The following MICU3 variants were observed in gnomAD, a reference collection of about 807,000 sequenced individuals.
The protein encoded by MICU3 is mitochondrial calcium uptake 3.
Under a neutral mutation model 66.5 loss-of-function variants are expected in MICU3, and 62 were observed. That is an observed-to-expected ratio of 0.93 (90% CI 0.76 to 1.15). The LOEUF (loss-of-function observed/expected upper bound fraction) is 1.15, where lower values mean the gene tolerates loss of function less well. Ranked by LOEUF, MICU3 falls within the 50% of genes most tolerant of loss-of-function variation. The pLI, the probability that MICU3 is intolerant of heterozygous loss-of-function variation, is 0.00. For missense variants in MICU3, 779 were observed against 664.4 expected, an observed-to-expected ratio of 1.17 and a Z score of -1.90; for synonymous variants, 308 against 240.7, an observed-to-expected ratio of 1.28 and a Z score of -2.59.
At chr8:17,080,133 G>A (rs933324438) in intron 4 of MICU3, among the ~76,000 whole-genome samples, 1 of 151,802 alleles carries the variant, frequency 6.6e-6, no homozygotes, top group African/African-American at 2.4e-5. Flanking sequence ...TGAAGAGTTA[G>A]TTTTATAGTA....
chr8:17,118,830 TA>T, intron 14 of MICU3, 55 bp downstream of exon 14: 1 of 1,030,894 alleles, frequency 9.7e-7, no homozygotes, highest in African/African-American at 1.6e-5. Context: ...GATCATAATT[TA>T]TTTTTCTGTT....
At position 17,035,999 on chromosome 8, in the gene MICU3, C is replaced by T. The variant is rs117869108; in HGVS notation, c.381+8339C>T. 2.3e-3 allele frequency among the ~76,000 whole-genome samples: 354 copies of T among 152,234 alleles called. 2 individuals are homozygous for T. Among genetic ancestry groups the T allele is most frequent in the African/African-American group, 7.5e-3 (313 of 41,542 alleles). On this transcript the variant is annotated intron_variant, in intron 1 of 14. Coordinates refer to ENST00000318063, the MANE Select transcript of MICU3 (RefSeq NM_181723.3). ...GGGCCGGGACTAGTACCTTTGTGTC[C>T]GGAATTGATGGGTTCTTGGTCTCAC...
At chr8:17,101,270 T>C (rs1024289225) in intron 9 of MICU3, among the ~76,000 whole-genome samples, 2 of 151,814 alleles carry the variant, frequency 1.3e-5, no homozygotes, top group Admixed American at 6.6e-5. Context: ...CATTTTATTT[T>C]AACAATGAGC....
chr8:17,042,659 T>C (rs1814351670), intron 1 of MICU3, among the ~76,000 whole-genome samples: 1 of 152,202 alleles, frequency 6.6e-6, no homozygotes. Context: ...AGAGTTATTT[T>C]TCTAAATTAG....
At chr8:17,049,562 A>G in intron 1 of MICU3, 1 of 516,498 alleles carries the variant, frequency 1.9e-6, no homozygotes, top group Non-Finnish European at 3.9e-6. Flanking sequence ...CAGAAAGTTA[A>G]GTTATTTTTC....
intron 1 of MICU3, among the ~76,000 whole-genome samples, chr8:17,063,185 A>G (rs1180435331): frequency 3.9e-5 from 6 of 152,144 alleles, no homozygotes; most frequent in Non-Finnish European, 7.4e-5. Context: ...AGCAAAAACA[A>G]TTCTATCTAT....
chr8:17,136,659 G>C, the MICU3 span, among the ~76,000 whole-genome samples: 14 of 151,884 alleles, frequency 9.2e-5, no homozygotes, highest in Admixed American at 6.6e-4. Flanking sequence ...AGCTACTGCT[G>C]CCAGTCTTCA....
Position 17,098,454 on chromosome 8 carries a change from A to C in MICU3, c.889-4A>C. On this transcript the variant is annotated splice_polypyrimidine_tract_variant and splice_region_variant and intron_variant, in intron 8 of 14. Transcript: ENST00000318063. ...TTCAGTTGTGCTTCTTAAAACTTCT[A>C]CAGGTACTTAAAACAGATGCTGAGG... 1 of 1,583,002 alleles carries C rather than the reference A, an allele frequency of 6.3e-7. No individual in the cohort carries two copies. The highest frequency in any genetic ancestry group is 8.7e-7 in the Non-Finnish European group (1 of 1,152,186).
At chr8:17,029,047 G>A (rs1339923489) in intron 1 of MICU3, among the ~76,000 whole-genome samples, 1 of 152,232 alleles carries the variant, frequency 6.6e-6, no homozygotes, top group Non-Finnish European at 1.5e-5. Flanking sequence ...TGTCATTATG[G>A]AGAAATTACT....
chr8:17,101,499 G>A (rs1649518124), intron 9 of MICU3, among the ~76,000 whole-genome samples: 1 of 151,778 alleles, frequency 6.6e-6, no homozygotes. Context: ...CTGGATAAGT[G>A]CAACCTACAT....
chr8:17,046,002 C>T (rs1215799218), intron 1 of MICU3, among the ~76,000 whole-genome samples: 1 of 152,160 alleles, frequency 6.6e-6, no homozygotes, highest in Admixed American at 6.5e-5. Context: ...ACACAGCCAA[C>T]CCATAGCATC....
intron 10 of MICU3, among the ~76,000 whole-genome samples, chr8:17,105,069 A>C (rs1173276591): frequency 6.6e-6 from 1 of 151,910 alleles, no homozygotes; most frequent in Non-Finnish European, 1.5e-5. Flanking sequence ...TATTCAGAAG[A>C]AAGTATGTTG....
At chr8:17,089,847 C>T (rs984708354) in intron 7 of MICU3, among the ~76,000 whole-genome samples, 1 of 151,956 alleles carries the variant, frequency 6.6e-6, no homozygotes, top group African/African-American at 2.4e-5. Context: ...GTTAGTAGAA[C>T]CATGTAGCTA....
At chr8:17,124,478 G>T (rs1348486915), downstream of MICU3, among the ~76,000 whole-genome samples, 1 of 152,004 alleles carries the variant, frequency 6.6e-6, no homozygotes, top group East Asian at 1.9e-4. Context: ...TGTTAGAAAT[G>T]CCTGCTGGAG....
At chr8:17,088,371 C>G (rs931518865) in intron 7 of MICU3, among the ~76,000 whole-genome samples, 1 of 151,678 alleles carries the variant, frequency 6.6e-6, no homozygotes, top group African/African-American at 2.4e-5. Context: ...ATGAATAGCC[C>G]CATAATTGCA....
At chr8:17,118,263 CCTT>C (rs1455286420) in intron 13 of MICU3, among the ~76,000 whole-genome samples, 1 of 151,356 alleles carries the variant, frequency 6.6e-6, no homozygotes, top group African/African-American at 2.4e-5. Context: ...TTACATTTGC[CCTT>C]TTTTTAATTT....
chr8:17,052,918 T>C (rs928568462), intron 1 of MICU3, among the ~76,000 whole-genome samples: 1 of 152,206 alleles, frequency 6.6e-6, no homozygotes, highest in Non-Finnish European at 1.5e-5. Flanking sequence ...TAATATAGTG[T>C]AGAAATATAA....
intron 7 of MICU3, 88 bp downstream of exon 7, chr8:17,087,123 C>A: frequency 1.1e-6 from 1 of 898,674 alleles, no homozygotes; most frequent in Non-Finnish European, 1.7e-6. Context: ...AAGTTTGTAA[C>A]TTTGAAGCTG....
chr8:17,043,044 A>G (rs879652625), intron 1 of MICU3, among the ~76,000 whole-genome samples: 49 of 138,014 alleles, frequency 3.6e-4, no homozygotes, highest in South Asian at 1.1e-3. Context: ...GGTTCATGCC[A>G]TTCTCCTGCC....
Sources: gnomAD v4.1 joint callset for allele counts (sites outside exome capture counted in the v4.1 genomes callset) on GRCh38, gnomAD v4.1.1 for gene constraint, MANE v1.5 for transcripts, NCBI Gene and HGNC (gene_info 2026-07-23, HGNC 2026-07-21) for gene names.